The following SSX2IP variants were observed in gnomAD, a reference collection of about 807,000 sequenced individuals.
SSX2IP encodes SSX family member 2 interacting protein.
SSX2IP carries 55 observed loss-of-function variants against 84.9 expected under a neutral mutation model. That is an observed-to-expected ratio of 0.65 (90% CI 0.52 to 0.81). SSX2IP has a LOEUF of 0.81. Ranked by LOEUF, SSX2IP falls within the 30% of genes least tolerant of loss-of-function variation. The pLI is 0.00. For missense variants in SSX2IP, 664 were observed against 705.2 expected, an observed-to-expected ratio of 0.94 and a Z score of 0.66; for synonymous variants, 239 against 234.7, an observed-to-expected ratio of 1.02 and a Z score of -0.17.
chr1:84,671,988 CAA>C (rs1187135253), intron 1 of SSX2IP, among the ~76,000 whole-genome samples: 1 of 151,758 alleles, frequency 6.6e-6, no homozygotes, highest in East Asian at 1.9e-4. Context: ...AGTAAATAAA[CAA>C]TATATTTATA....
chr1:84,689,424 A>G (rs958368695), intron 1 of SSX2IP, among the ~76,000 whole-genome samples: 3 of 152,216 alleles, frequency 2.0e-5, no homozygotes, highest in Admixed American at 2.0e-4. Flanking sequence ...ATTGTTAGAA[A>G]GCCCAGGAAG....
Position 84,646,393 on chromosome 1 carries a change from G to C in SSX2IP, c.*1040C>G, listed in dbSNP as rs1356599591. On this transcript the variant is annotated 3_prime_UTR_variant, in exon 14 of 14. Coordinates refer to ENST00000342203, the MANE Select transcript of SSX2IP (RefSeq NM_001166293.2). ...GAGTATCATCTCAATTATAAAATTT[G>C]ATGGTTTTATATTATCATATTTCTT... 1 of 152,488 alleles carries C rather than the reference G, an allele frequency of 6.6e-6. No homozygotes were observed. Among genetic ancestry groups the C allele is most frequent in the Non-Finnish European group, 1.5e-5 (1 of 68,028 alleles). The allele number at this position is 152,488 out of a possible 1,614,324, so 9.4% of individuals were successfully genotyped here. A position where few individuals can be genotyped will look rare whatever the true frequency, so the allele number is the denominator to read the frequency against.
chr1:84,689,014 G>A (rs3768238), intron 1 of SSX2IP, among the ~76,000 whole-genome samples: 15,771 of 152,182 alleles, frequency 0.1, 1,045 homozygotes, highest in African/African-American at 0.18. Flanking sequence ...AGGCAGAACA[G>A]AGTGTTAAAT....
At chr1:84,668,808 A>C in intron 4 of SSX2IP, among the ~76,000 whole-genome samples, 1 of 152,100 alleles carries the variant, frequency 6.6e-6, no homozygotes, top group Non-Finnish European at 1.5e-5. Context: ...TACACAAAGA[A>C]AAATAAGGAA....
intron 1 of SSX2IP, among the ~76,000 whole-genome samples, chr1:84,672,443 C>A (rs756293615): frequency 1.3e-5 from 2 of 151,660 alleles, no homozygotes; most frequent in Non-Finnish European, 2.9e-5. Context: ...ATTAAGTTAT[C>A]CTGTGGGAAA....
In SSX2IP at chr1:84,651,735, A is replaced by G. The variant is rs1570564742; in HGVS notation, c.1504+148T>C. 2.1e-5 allele frequency: 12 copies of G among 563,354 alleles called. No individual in the cohort carries two copies. In the East Asian group the frequency reaches 3.6e-4, roughly 17 times the overall value. 34.9% of individuals were successfully genotyped at this position (563,354 alleles called of 1,614,324 possible). ...AGAGCAAGACTCCGTCTCAAAAACA[A>G]ACAAAAAAAAGTTGACTTTTAGTTA... On this transcript the variant is annotated intron_variant, in intron 12 of 13. Transcript: ENST00000342203.
Position 84,680,622 on chromosome 1 carries a change from A to G in SSX2IP, c.-89-9314T>C, listed in dbSNP as rs537892504. ...AGTAATGTAAAAAAGTTACAAAACC[A>G]TATCTAATATGAGCTTATTTAGTCC... is the stretch of plus-strand genomic sequence containing the variant. On this transcript the variant is annotated intron_variant, in intron 1 of 13. Coordinates refer to ENST00000342203, the MANE Select transcript of SSX2IP (RefSeq NM_001166293.2). Among the ~76,000 whole-genome samples, 15 of 152,280 alleles carry G rather than the reference A, an allele frequency of 9.9e-5. No homozygotes were observed. In the South Asian group the frequency reaches 1.7e-3, roughly 17 times the overall value.
chr1:84,657,591 G>C (rs1276619516), intron 9 of SSX2IP, among the ~76,000 whole-genome samples: 1 of 152,040 alleles, frequency 6.6e-6, no homozygotes, highest in African/African-American at 2.4e-5. Flanking sequence ...CTCTTTTTGG[G>C]GGGGAACAGG....
At chr1:84,655,495 A>T (rs987543301) in intron 11 of SSX2IP, 2 of 1,319,964 alleles carry the variant, frequency 1.5e-6, no homozygotes, top group Non-Finnish European at 2.0e-6. Context: ...TCTTGGTTGC[A>T]CTGTCTTCTG....
chr1:84,656,769 TACAA>T (rs1016150023), intron 9 of SSX2IP, among the ~76,000 whole-genome samples: 12 of 152,178 alleles, frequency 7.9e-5, no homozygotes, highest in Admixed American at 3.3e-4. Flanking sequence ...ATGATATGCT[TACAA>T]ACAGAGCTCT....
At chr1:84,689,847 T>C (rs1179635035) in intron 1 of SSX2IP, among the ~76,000 whole-genome samples, 1 of 152,216 alleles carries the variant, frequency 6.6e-6, no homozygotes, top group Non-Finnish European at 1.5e-5. Flanking sequence ...TCCCCTAGAC[T>C]TTTTACTAGA....
rs932218698 is a variant in SSX2IP at position 84,650,504 on chromosome 1, C to A, written c.1528G>T (p.Val510Leu). 2 of 1,614,066 alleles carry A rather than the reference C, an allele frequency of 1.2e-6. No homozygotes were observed. Among genetic ancestry groups the A allele is most frequent in the Non-Finnish European group, 1.7e-6 (2 of 1,180,016 alleles). Residue 510 changes from valine to leucine, a missense_variant, in exon 13 of 14, where the codon GTG (valine) becomes TTG (leucine). By Grantham distance (32) the Val-to-Leu change is conservative (BLOSUM62 1). Coordinates refer to ENST00000342203, the MANE Select transcript of SSX2IP (RefSeq NM_001166293.2). ...TTCTTTTGCGGCTGCCTCGAGTGCA[C>A]TATAAGATTGTCCCAATCAGAACCT... is the stretch of plus-strand genomic sequence containing the variant. ...SGSSDWDNLI[V>L]HSRQPQKKPH...
At chr1:84,667,543 A>G (rs1458188353) in intron 4 of SSX2IP, among the ~76,000 whole-genome samples, 1 of 152,072 alleles carries the variant, frequency 6.6e-6, no homozygotes, top group Non-Finnish European at 1.5e-5. Flanking sequence ...CACTGCCAGA[A>G]TATTTACACA....
At chr1:84,666,902 CTAA>C (rs1557499408) in intron 4 of SSX2IP, among the ~76,000 whole-genome samples, 1 of 152,084 alleles carries the variant, frequency 6.6e-6, no homozygotes, top group Non-Finnish European at 1.5e-5. Flanking sequence ...TAAAATTGTA[CTAA>C]TATTTTTATA....
At chr1:84,690,036 A>C (rs1538848) in intron 1 of SSX2IP, 138,789 of 151,772 alleles carry the variant, frequency 0.91, 63,761 homozygotes, top group East Asian at 1. Context: ...CTCGTCCCCC[A>C]ACGCCGGGCG....
intron 1 of SSX2IP, among the ~76,000 whole-genome samples, chr1:84,689,979 T>G (rs1346555158): frequency 6.6e-6 from 1 of 152,038 alleles, no homozygotes; most frequent in Non-Finnish European, 1.5e-5. Context: ...GCTGAGACTC[T>G]GCAGCCCCAA....
intron 1 of SSX2IP, among the ~76,000 whole-genome samples, chr1:84,687,532 T>A (rs1655967036): frequency 6.6e-6 from 1 of 152,174 alleles, no homozygotes; most frequent in Admixed American, 6.5e-5. Context: ...CTTCCAGTCT[T>A]CAAAGTAGAA....
Position 84,671,285 on chromosome 1 carries a change from G to A in SSX2IP, c.-66C>T. 2.5e-6 allele frequency: 4 copies of A among 1,590,500 alleles called. No individual in the cohort carries two copies. Among genetic ancestry groups the A allele is most frequent in the Non-Finnish European group, 3.4e-6 (4 of 1,170,124 alleles). On this transcript the variant is annotated 5_prime_UTR_variant, in exon 2 of 14. Coordinates refer to ENST00000342203, the MANE Select transcript of SSX2IP (RefSeq NM_001166293.2). Reference sequence around the variant, plus strand: ...CAGTTAAACATTTAGTCTAGCTGCTGTCACTCTTCTATGTAGGCATCTCCT... The same window carrying A: ...CAGTTAAACATTTAGTCTAGCTGCTATCACTCTTCTATGTAGGCATCTCCT...
chr1:84,666,734 C>G (rs925412994), intron 4 of SSX2IP, among the ~76,000 whole-genome samples: 2 of 152,092 alleles, frequency 1.3e-5, no homozygotes, highest in African/African-American at 2.4e-5. Flanking sequence ...CTGTGTGACA[C>G]CACTTCTCCC....
Sources: gnomAD v4.1 joint callset for allele counts (sites outside exome capture counted in the v4.1 genomes callset) on GRCh38, gnomAD v4.1.1 for gene constraint, MANE v1.5 for transcripts, NCBI Gene and HGNC (gene_info 2026-07-23, HGNC 2026-07-21) for gene names.